Variants in RBFOX1 observed in about 807,000 individuals in gnomAD.
RBFOX1 encodes the protein RNA binding protein fox-1 homolog 1.
Under a neutral mutation model 57.7 loss-of-function variants are expected in RBFOX1, and 8 were observed. The ratio of observed to expected loss-of-function variants is 0.14; its 90% confidence interval spans 0.08 to 0.25. RBFOX1 has a LOEUF of 0.25. RBFOX1 is among the 10% of genes least tolerant of loss of function. The pLI is 1.00. For missense variants in RBFOX1, 611 were observed against 548.5 expected, an observed-to-expected ratio of 1.11 and a Z score of -1.14; for synonymous variants, 326 against 222.4, an observed-to-expected ratio of 1.47 and a Z score of -4.15.
chr16:6,039,678 C>T (rs961551382), intron 1 of RBFOX1, among the ~76,000 whole-genome samples: 2 of 152,236 alleles, frequency 1.3e-5, no homozygotes, highest in African/African-American at 4.8e-5. Flanking sequence ...CAAATTCTCT[C>T]ACCTCTAATA....
At chr16:7,111,511 G>T (rs1048426665) in intron 4 of RBFOX1, among the ~76,000 whole-genome samples, 54 of 152,156 alleles carry the variant, frequency 3.5e-4, no homozygotes, top group African/African-American at 1.2e-3. Context: ...TTCTGCTGTT[G>T]GGGGAAGGGT....
At chr16:5,545,184 G>A (rs12598549) in intron 2 of RBFOX1, among the ~76,000 whole-genome samples, 46,931 of 151,636 alleles carry the variant, frequency 0.31, 8,623 homozygotes, top group East Asian at 0.86. Flanking sequence ...CACTCTGTTG[G>A]CCAGGCTGGT....
chr16:5,479,895 C>G (rs192012407), intron 2 of RBFOX1, among the ~76,000 whole-genome samples: 89 of 152,298 alleles, frequency 5.8e-4, no homozygotes, highest in Admixed American at 9.2e-4. Flanking sequence ...TGCTCAGATG[C>G]AGTGGCACAG....
rs185798256 is a variant in RBFOX1 at position 7,159,662 on chromosome 16, A to G, written c.27+107564A>G. On this transcript the variant is annotated intron_variant, in intron 4 of 15. Coordinates refer to ENST00000550418, the MANE Select transcript of RBFOX1 (RefSeq NM_018723.4). ...TTGTGCTGGTTCTGGAGAGCGCACA[A>G]TTTGCAGAAGGCAGTTTTGTTTGGA... 1.2e-3 allele frequency among the ~76,000 whole-genome samples: 177 copies of G among 152,260 alleles called. 2 individuals are homozygous for G. The Middle Eastern group carries it at 0.027, about 23-fold the overall frequency.
intron 3 of RBFOX1, among the ~76,000 whole-genome samples, chr16:5,665,614 G>A (rs2049817750): frequency 6.6e-6 from 1 of 152,198 alleles, no homozygotes; most frequent in Non-Finnish European, 1.5e-5. Context: ...ACCAGCGCCT[G>A]GTTCAGTGTT....
At position 7,276,998 on chromosome 16, in the gene RBFOX1, A is replaced by G. The variant is rs1052102750; in HGVS notation, c.27+224900A>G. On this transcript the variant is annotated intron_variant, in intron 4 of 15. Coordinates refer to ENST00000550418, the MANE Select transcript of RBFOX1 (RefSeq NM_018723.4). Reference sequence around the variant, plus strand: ...TGTGCAGCAAATCGTAGATGGTATAACTTTGCGTCTTTTTCAAGTTATTTT... The same window carrying G: ...TGTGCAGCAAATCGTAGATGGTATAGCTTTGCGTCTTTTTCAAGTTATTTT... Among the ~76,000 whole-genome samples the G allele has an allele frequency of 4.6e-5, 7 of 152,222 alleles. 1 individual carries two copies. Among genetic ancestry groups the G allele is most frequent in the Non-Finnish European group, 8.8e-5 (6 of 68,034 alleles).
chr16:6,578,969 A>G (rs1005516217), intron 2 of RBFOX1, among the ~76,000 whole-genome samples: 1 of 152,008 alleles, frequency 6.6e-6, no homozygotes, highest in Non-Finnish European at 1.5e-5. Context: ...GGGTGTACCA[A>G]ACTGTCGGAA....
chr16:6,505,891 G>C (rs557428609), intron 2 of RBFOX1, among the ~76,000 whole-genome samples: 1 of 152,198 alleles, frequency 6.6e-6, no homozygotes, highest in Non-Finnish European at 1.5e-5. Flanking sequence ...ATGGGCGAAA[G>C]TGACAGAGAA....
At chr16:5,788,490 A>G (rs2054585518) in intron 3 of RBFOX1, among the ~76,000 whole-genome samples, 1 of 152,066 alleles carries the variant, frequency 6.6e-6, no homozygotes, top group African/African-American at 2.4e-5. Flanking sequence ...TTAGCTGGGC[A>G]TGGTGGCAGG....
chr16:7,265,836 G>A (rs1300162356), intron 4 of RBFOX1, among the ~76,000 whole-genome samples: 1 of 152,048 alleles, frequency 6.6e-6, no homozygotes. Flanking sequence ...CAAATCTCAT[G>A]TTGAAATATA....
chr16:5,914,076 A>C (rs535118978), intron 4 of RBFOX1, among the ~76,000 whole-genome samples: 87 of 152,294 alleles, frequency 5.7e-4, no homozygotes, highest in African/African-American at 2.0e-3. Flanking sequence ...CACAACTTTC[A>C]TGAGATGTCT....
rs1436836858 is a variant in RBFOX1 at position 7,709,124 on chromosome 16, G to C, written c.1064G>C (p.Gly355Ala). The C allele has an allele frequency of 6.2e-7, 1 of 1,612,504 alleles. No homozygotes were observed. The highest frequency in any genetic ancestry group is 1.1e-5 in the South Asian group (1 of 90,884). The change falls in exon 15 of 16, where the codon GGT (glycine) becomes GCT (alanine). Residue 355 changes from glycine (G) to alanine (A), a missense_variant. Physicochemically the swap from Gly to Ala is moderately conservative, Grantham distance 60 (BLOSUM62 0). Coordinates refer to ENST00000550418, the MANE Select transcript of RBFOX1 (RefSeq NM_018723.4). Reference sequence around the variant, plus strand: ...GCTCCAGCCCCCACCTACGGCGTTGGTGCCATGGTGAGTACAAGTTTCTCC... The same window carrying C: ...GCTCCAGCCCCCACCTACGGCGTTGCTGCCATGGTGAGTACAAGTTTCTCC... The part of the protein sequence containing the change: ...ALAPAPTYGV[G>A]AMNAFAPLTD...
At chr16:6,459,204 C>T (rs187111044) in intron 2 of RBFOX1, among the ~76,000 whole-genome samples, 163 of 152,184 alleles carry the variant, frequency 1.1e-3, no homozygotes, top group Middle Eastern at 3.4e-3. Flanking sequence ...GCCATGGTGG[C>T]GGGTGCCTGT....
intron 3 of RBFOX1, among the ~76,000 whole-genome samples, chr16:5,613,698 G>A (rs1163432173): frequency 6.6e-6 from 1 of 152,104 alleles, no homozygotes; most frequent in Non-Finnish European, 1.5e-5. Flanking sequence ...TTCCATCACT[G>A]AGTGGAAAGC....
chr16:6,905,486 T>C (rs1426986472), intron 3 of RBFOX1, among the ~76,000 whole-genome samples: 1 of 150,726 alleles, frequency 6.6e-6, no homozygotes, highest in Non-Finnish European at 1.5e-5. Context: ...CCGGGAGGCA[T>C]AGGTTGCAGT....
intron 2 of RBFOX1, among the ~76,000 whole-genome samples, chr16:6,508,898 C>T (rs1034918525): frequency 6.6e-6 from 1 of 152,092 alleles, no homozygotes; most frequent in Non-Finnish European, 1.5e-5. Context: ...ATTCTTAACA[C>T]TGTTGTTATC....
chr16:6,487,340 G>T (rs111764447), intron 2 of RBFOX1, among the ~76,000 whole-genome samples: 2 of 152,056 alleles, frequency 1.3e-5, no homozygotes, highest in African/African-American at 4.8e-5. Context: ...AAATTTCAAA[G>T]TGTTCTTTCT....
chr16:7,285,105 T>TTTTTTTC (rs2095623449), intron 4 of RBFOX1, among the ~76,000 whole-genome samples: 2 of 135,284 alleles, frequency 1.5e-5, no homozygotes, highest in African/African-American at 2.9e-5. Flanking sequence ...TTTTTTTTTT[T>TTTTTTTC]AGCAACCTGT....
intron 2 of RBFOX1, among the ~76,000 whole-genome samples, chr16:6,432,143 AT>A (rs1026274088): frequency 5.3e-5 from 8 of 151,882 alleles, no homozygotes; most frequent in African/African-American, 1.7e-4. Flanking sequence ...TGCTTTTTAA[AT>A]TTTTTGTAAA....
Sources: gnomAD v4.1 joint callset for allele counts (sites outside exome capture counted in the v4.1 genomes callset) on GRCh38, gnomAD v4.1.1 for gene constraint, MANE v1.5 for transcripts, NCBI Gene and HGNC (gene_info 2026-07-23, HGNC 2026-07-21) for gene names.